The following STK24 variants were observed in gnomAD, a reference collection of about 807,000 sequenced individuals.
STK24 encodes serine/threonine kinase 24.
In STK24, 21 loss-of-function variants were observed where a neutral mutation model predicts 55.6. That is an observed-to-expected ratio of 0.38 (90% CI 0.27 to 0.54). The LOEUF is 0.54. Ranked by LOEUF, STK24 falls within the 20% of genes least tolerant of loss-of-function variation. The pLI, the probability that STK24 is intolerant of heterozygous loss-of-function variation, is 0.79. For synonymous variants in STK24, 200 were observed against 215.2 expected (o/e 0.93, Z 0.62); for missense variants, 383 against 538.4 (o/e 0.71, Z 2.86).
chr13:98,463,583 CTA>C, intron 7 of STK24, 106 bp downstream of exon 7: 1 of 1,062,802 alleles, frequency 9.4e-7, no homozygotes, highest in East Asian at 2.9e-5. Flanking sequence ...CCTGGATTGT[CTA>C]AAAAAAAAAA....
intron 2 of STK24, among the ~76,000 whole-genome samples, chr13:98,510,315 A>G (rs1401193012): frequency 3.3e-5 from 5 of 152,290 alleles, no homozygotes; most frequent in Non-Finnish European, 1.5e-5. Context: ...CATCACCCAC[A>G]TCCAGCTGCC....
At chr13:98,536,123 AG>A (rs1896728056) in intron 1 of STK24, among the ~76,000 whole-genome samples, 1 of 152,192 alleles carries the variant, frequency 6.6e-6, no homozygotes, top group Admixed American at 6.5e-5. Context: ...TGTCACAAAT[AG>A]GAACACACGT....
intron 1 of STK24, among the ~76,000 whole-genome samples, chr13:98,570,255 CG>C (rs1897704470): frequency 6.6e-6 from 1 of 152,146 alleles, no homozygotes; most frequent in South Asian, 2.1e-4. Context: ...GGGCTGCCCT[CG>C]GGGAATAAGA....
intron 1 of STK24, among the ~76,000 whole-genome samples, chr13:98,538,772 G>C (rs571997502): frequency 6.6e-6 from 1 of 152,064 alleles, no homozygotes; most frequent in East Asian, 1.9e-4. Context: ...CCCACCTGCC[G>C]CCTGACCTCC....
rs183880003 is a variant in STK24 at position 98,514,751 on chromosome 13, A to G, written c.273+4492T>C. On this transcript the variant is annotated intron_variant, in intron 2 of 10. Coordinates refer to ENST00000539966, the MANE Select transcript of STK24 (RefSeq NM_001032296.4). Reference sequence around the variant, plus strand: ...CTGGCTTGATGTTTGAGAGGAATAAATAATTTATCATAAAAGAAAATGATA... The same window carrying G: ...CTGGCTTGATGTTTGAGAGGAATAAGTAATTTATCATAAAAGAAAATGATA... 1.7e-3 allele frequency among the ~76,000 whole-genome samples: 264 copies of G among 152,370 alleles called. 2 individuals carry two copies. The highest frequency in any genetic ancestry group is 3.4e-3 in the Middle Eastern group (1 of 294).
At chr13:98,576,663 A>AG in intron 1 of STK24, 82 bp downstream of exon 1, 3 of 1,219,278 alleles carry the variant, frequency 2.5e-6, no homozygotes, top group Admixed American at 2.6e-5. Context: ...GGCTGAGCGT[A>AG]GGGGGACGCC....
chr13:98,556,205 C>T (rs957732321), intron 1 of STK24, among the ~76,000 whole-genome samples: 12 of 152,172 alleles, frequency 7.9e-5, no homozygotes, highest in African/African-American at 2.7e-4. Flanking sequence ...GGCCAGAGCC[C>T]CACTCCTCTT....
In STK24 at chr13:98,445,276, AGTGCCTTTACAAG is replaced by A. The variant is rs1193375204; in HGVS notation, c.*7884_*7896del. ...TTACGGGAACAATTCAGTGGCATTAAGTGCCTTTACAAGGTGGTGCAACTGCTTTGAGTCTCTG... is the reference window on the plus strand; with the variant it reads ...TTACGGGAACAATTCAGTGGCATTAAGTGGTGCAACTGCTTTGAGTCTCTG... On this transcript the variant is annotated 3_prime_UTR_variant, in exon 11 of 11. Coordinates refer to ENST00000539966, the MANE Select transcript of STK24 (RefSeq NM_001032296.4). 3 of 152,270 alleles carry A rather than the reference AGTGCCTTTACAAG, an allele frequency of 2.0e-5. No homozygotes were observed. Among genetic ancestry groups the A allele is most frequent in the Admixed American group, 2.0e-4 (3 of 15,288 alleles). The allele number at this position is 152,270 out of a possible 1,614,324, so 9.4% of individuals were successfully genotyped here.
chr13:98,518,763 C>T (rs1179044810), intron 2 of STK24, among the ~76,000 whole-genome samples: 5 of 152,146 alleles, frequency 3.3e-5, no homozygotes, highest in Admixed American at 2.6e-4. Flanking sequence ...TACCAATTTG[C>T]CTAGCATTCT....
chr13:98,464,727 C>T (rs1302030579), intron 6 of STK24, among the ~76,000 whole-genome samples: 3 of 151,932 alleles, frequency 2.0e-5, no homozygotes, highest in Non-Finnish European at 4.4e-5. Context: ...GAACTCCTGA[C>T]CTCAGGTGAT....
chr13:98,556,893 CAT>C (rs1325606862), intron 1 of STK24, among the ~76,000 whole-genome samples: 1 of 152,222 alleles, frequency 6.6e-6, no homozygotes, highest in Non-Finnish European at 1.5e-5. Context: ...AGCTCAGACA[CAT>C]GATTTGTCTA....
chr13:98,457,432 G>T, intron 9 of STK24, 128 bp from the exon 10 acceptor site: 3 of 1,248,688 alleles, frequency 2.4e-6, no homozygotes, highest in Non-Finnish European at 3.3e-6. Flanking sequence ...TCCGGGAAAA[G>T]CTTTGGCTAG....
rs563058179 is a variant in STK24 at position 98,450,296 on chromosome 13, A to G, written c.*2877T>C. On this transcript the variant is annotated 3_prime_UTR_variant, in exon 11 of 11. Coordinates refer to ENST00000539966, the MANE Select transcript of STK24 (RefSeq NM_001032296.4). ...CACTCTGCCTTTGCTGACACATTTT[A>G]TAGCAGAAATACACAAGCTGTTTTT... 6 of 152,350 alleles carry G rather than the reference A, an allele frequency of 3.9e-5. No individual in the cohort carries two copies. The highest frequency in any genetic ancestry group is 2.6e-4 in the Admixed American group (4 of 15,312). 9.4% of individuals were successfully genotyped at this position (152,350 alleles called of 1,614,324 possible).
intron 2 of STK24, among the ~76,000 whole-genome samples, chr13:98,500,531 T>C (rs1895412877): frequency 6.6e-6 from 1 of 152,146 alleles, no homozygotes. Context: ...ACCTGATGCG[T>C]CCAAACTCAT....
chr13:98,458,574 G>A (rs558293400), intron 9 of STK24, among the ~76,000 whole-genome samples: 6 of 152,300 alleles, frequency 3.9e-5, no homozygotes, highest in Admixed American at 1.3e-4. Flanking sequence ...GCGGCCACTC[G>A]TGTTTGTCTA....
In STK24 at chr13:98,495,211, C is replaced by T. The variant is rs116598306; in HGVS notation, c.274-12890G>A. On this transcript the variant is annotated intron_variant, in intron 2 of 10. Transcript: ENST00000539966. ...AAGTCATGCTGTCCTACAAGAACTG[C>T]TGAAGGAGAATTGATTTGCCTCCCT... Among the ~76,000 whole-genome samples the T allele has an allele frequency of 3.4e-3, 513 of 152,314 alleles. 3 individuals are homozygous for T. Among genetic ancestry groups the T allele is most frequent in the African/African-American group, 0.012 (495 of 41,568 alleles).
chr13:98,548,861 CAAAAAAAAAAAAAA>C (rs55793722), intron 1 of STK24, among the ~76,000 whole-genome samples: 1 of 37,804 alleles, frequency 2.6e-5, no homozygotes, highest in African/African-American at 8.9e-5. Context: ...GACTCTGTCT[CAAAAAAAAAAAAAA>C]AAAAAAAAAA....
intron 2 of STK24, among the ~76,000 whole-genome samples, chr13:98,515,781 A>G (rs1896036682): frequency 6.6e-6 from 1 of 152,180 alleles, no homozygotes; most frequent in African/African-American, 2.4e-5. Context: ...TACCCCAACA[A>G]TGAAGAAACC....
intron 7 of STK24, among the ~76,000 whole-genome samples, chr13:98,463,427 CA>C (rs1566347151): frequency 6.6e-6 from 1 of 152,068 alleles, no homozygotes; most frequent in Non-Finnish European, 1.5e-5. Context: ...CAGAACGAAA[CA>C]AAACAGAATG....
Sources: allele counts gnomAD v4.1 joint callset (sites outside exome capture counted in the v4.1 genomes callset), GRCh38; gene constraint gnomAD v4.1.1; transcripts MANE v1.5; gene names NCBI Gene and HGNC (gene_info 2026-07-23, HGNC 2026-07-21).